Variants in STKLD1 observed in about 807,000 individuals in gnomAD.
STKLD1 encodes serine/threonine kinase like domain containing 1, also known as serine/threonine kinase-like domain-containing protein STKLD1.
Under a neutral mutation model 80.4 loss-of-function variants are expected in STKLD1, and 79 were observed. That is an observed-to-expected ratio of 0.98 (90% CI 0.82 to 1.19). The LOEUF (loss-of-function observed/expected upper bound fraction) is 1.19. STKLD1 is among the 50% of genes most tolerant of loss of function. The probability of loss-of-function intolerance (pLI) is 0.00; values close to 1 mark genes in which losing one functional copy is unlikely to be tolerated. For missense variants in STKLD1, 841 were observed against 856.0 expected (o/e 0.98, Z 0.22); for synonymous variants, 393 against 357.6 (o/e 1.10, Z -1.12).
chr9:133,396,052 T>C, intron 9 of STKLD1: 1 of 244,584 alleles, frequency 4.1e-6, no homozygotes, highest in Non-Finnish European at 7.8e-6. Flanking sequence ...AAAGTTTTCA[T>C]TCTACATAAA....
chr9:133,397,901 G>T, intron 10 of STKLD1, 71 bp from the exon 11 acceptor site: 1 of 1,272,212 alleles, frequency 7.9e-7, no homozygotes, highest in Non-Finnish European at 1.1e-6. Flanking sequence ...AGCCCAGTGT[G>T]GTGCCGAGAA....
chr9:133,390,860 C>T lies in STKLD1; in HGVS notation c.583+64C>T. 1 of 1,277,668 alleles carries T rather than the reference C, an allele frequency of 7.8e-7. No individual in the cohort carries two copies. The highest frequency in any genetic ancestry group is 2.3e-5 in the East Asian group (1 of 43,346). 79.1% of individuals were successfully genotyped at this position (1,277,668 alleles called of 1,614,324 possible). A position where few individuals can be genotyped will look rare whatever the true frequency, so the allele number is the denominator to read the frequency against. On this transcript the variant is annotated intron_variant, in intron 7 of 17. Transcript: ENST00000371957. The surrounding 1 kb of genome is among the most constrained non-coding windows in gnomAD (Gnocchi z 5.1). ...GCGCCTAGAATCCAGGCGGCGTTGGCCACTCTGGGTGCTGGAGTGAGGCAA... is the reference window on the plus strand; with the variant it reads ...GCGCCTAGAATCCAGGCGGCGTTGGTCACTCTGGGTGCTGGAGTGAGGCAA...
rs587724855 is a variant in STKLD1, at chr9:133,404,270, CCTCT to C, written c.1732+227_1732+230del. On this transcript the variant is annotated intron_variant, in intron 16 of 17. Transcript: ENST00000371957. ...TCTCTGCGTTATGCTACCCTGTGACCCTCTCTCTGTCCATAAACACATCACATCT... is the reference window on the plus strand; with the variant it reads ...TCTCTGCGTTATGCTACCCTGTGACCCTCTGTCCATAAACACATCACATCT... Among the ~76,000 whole-genome samples the C allele has an allele frequency of 2.9e-3, 445 of 152,294 alleles. 3 individuals are homozygous for C. Among genetic ancestry groups the C allele is most frequent in the Non-Finnish European group, 4.6e-3 (312 of 68,028 alleles).
chr9:133,380,772 G>T (rs999766030), intron 2 of STKLD1, among the ~76,000 whole-genome samples: 3 of 152,012 alleles, frequency 2.0e-5, no homozygotes, highest in Admixed American at 6.6e-5. Context: ...TTTTTCCTAA[G>T]CGTTTGTAAA....
At position 133,385,527 on chromosome 9, in the gene STKLD1, T is replaced by G; in HGVS notation, c.220-90T>G. On this transcript the variant is annotated intron_variant, in intron 3 of 17. Transcript: ENST00000371957. This position sits in a 1 kb window ranked among gnomAD's most constrained non-coding sequence, Gnocchi z 4.9. Reference sequence around the variant, plus strand: ...CCCAGCTCAGAGCCCGAGGCTTGCATGTTTGTTGGGATGTGTGACAGAGAA... The same window carrying G: ...CCCAGCTCAGAGCCCGAGGCTTGCAGGTTTGTTGGGATGTGTGACAGAGAA... 138 of 1,279,272 alleles carry G rather than the reference T, an allele frequency of 1.1e-4. No individual in the cohort carries two copies. Among genetic ancestry groups the G allele is most frequent in the Non-Finnish European group, 1.5e-4 (129 of 888,698 alleles). 79.2% of individuals were successfully genotyped at this position (1,279,272 alleles called of 1,614,324 possible).
intron 10 of STKLD1, 125 bp downstream of exon 10, chr9:133,397,419 G>C (rs1435318481): frequency 7.7e-7 from 1 of 1,297,878 alleles, no homozygotes; most frequent in African/African-American, 1.5e-5. Flanking sequence ...TGCACGACCA[G>C]TGGGTAGGAA....
At chr9:133,377,114 C>G (rs1837992578) in intron 1 of STKLD1, among the ~76,000 whole-genome samples, 1 of 152,102 alleles carries the variant, frequency 6.6e-6, no homozygotes, top group African/African-American at 2.4e-5. Flanking sequence ...ATTTTTGTCA[C>G]TTTGGAAGAA....
In STKLD1 at chr9:133,384,342, T is replaced by G. The variant is rs1037571243; in HGVS notation, c.219+442T>G. 1 of 165,596 alleles carries G rather than the reference T, an allele frequency of 6.0e-6. No individual in the cohort carries two copies. The highest frequency in any genetic ancestry group is 2.4e-5 in the African/African-American group (1 of 41,728). The allele number at this position is 165,596 out of a possible 1,614,324, so 10.3% of individuals were successfully genotyped here. ...TGTAATCCCAGCTACTTCGAGAGGT[T>G]GAGGCGGGAGAATCACTTGAACCTG... On this transcript the variant is annotated intron_variant, in intron 3 of 17. Transcript: ENST00000371957. This position sits in a 1 kb window ranked among gnomAD's most constrained non-coding sequence, Gnocchi z 4.3.
intron 12 of STKLD1, among the ~76,000 whole-genome samples, chr9:133,401,079 A>G (rs981880289): frequency 2.6e-5 from 4 of 151,862 alleles, no homozygotes; most frequent in Admixed American, 6.6e-5. Flanking sequence ...TATGAGAGAC[A>G]TGGGTTGTTA....
intron 11 of STKLD1, 90 bp downstream of exon 11, chr9:133,398,145 C>T (rs930082189): frequency 2.4e-6 from 3 of 1,256,628 alleles, no homozygotes; most frequent in Middle Eastern, 1.9e-4. Context: ...TGGCCCTCAC[C>T]CCGGGCTCTC....
At chr9:133,397,492 T>C (rs587662221) in intron 10 of STKLD1, among the ~76,000 whole-genome samples, 198 bp downstream of exon 10, 105 of 152,250 alleles carry the variant, frequency 6.9e-4, no homozygotes, top group Non-Finnish European at 1.4e-3. Flanking sequence ...ATATCCTCCA[T>C]AGCTCCCAAC....
At chr9:133,403,048 G>A in intron 14 of STKLD1, 36 bp downstream of exon 14, 6 of 1,535,140 alleles carry the variant, frequency 3.9e-6, no homozygotes, top group Non-Finnish European at 5.3e-6. Flanking sequence ...CACCGGGGCT[G>A]GCAGCCCTCC....
intron 11 of STKLD1, among the ~76,000 whole-genome samples, chr9:133,399,353 G>A (rs1554777219): frequency 6.6e-6 from 1 of 152,208 alleles, no homozygotes; most frequent in Non-Finnish European, 1.5e-5. Flanking sequence ...ACAAGGCCCA[G>A]CCCTGGCCTT....
At chr9:133,397,938 G>C in intron 10 of STKLD1, 34 bp from the exon 11 acceptor site, 1 of 1,594,732 alleles carries the variant, frequency 6.3e-7, no homozygotes, top group Non-Finnish European at 8.6e-7. Context: ...CTGGTCCTCA[G>C]AAAGGTCCCT....
chr9:133,385,716 G>A lies in STKLD1; in HGVS notation c.294+25G>A, dbSNP rs189765356. The A allele has an allele frequency of 2.9e-5, 47 of 1,608,494 alleles. 1 individual carries two copies. The East Asian group carries it at 8.5e-4, about 29-fold the overall frequency. On this transcript the variant is annotated intron_variant, in intron 4 of 17. Transcript: ENST00000371957. The surrounding 1 kb of genome is among the most constrained non-coding windows in gnomAD (Gnocchi z 4.9). ...GGTGGGTCAGAGCTGACACCTACGG[G>A]CTCAGCCGCCACGCAGTGGGCTGCA...
chr9:133,400,579 C>T (rs782319646), intron 12 of STKLD1, 50 bp downstream of exon 12: 3 of 1,470,694 alleles, frequency 2.0e-6, no homozygotes, highest in Non-Finnish European at 2.8e-6. Context: ...TGCGCTGCTT[C>T]CTGCAGCTGT....
chr9:133,380,844 CAT>C (rs1838111332), intron 2 of STKLD1, among the ~76,000 whole-genome samples: 1 of 151,976 alleles, frequency 6.6e-6, no homozygotes, highest in Non-Finnish European at 1.5e-5. Flanking sequence ...ATATTGCAAA[CAT>C]AGTTTCATGT....
chr9:133,398,253 A>G (rs998075594), intron 11 of STKLD1, among the ~76,000 whole-genome samples, 198 bp downstream of exon 11: 1 of 152,160 alleles, frequency 6.6e-6, no homozygotes, highest in African/African-American at 2.4e-5. Context: ...GAGAAGGGGA[A>G]TGGGTGGTGT....
At position 133,395,604 on chromosome 9, in the gene STKLD1, C is replaced by G. The variant is rs782708166; in HGVS notation, c.707C>G (p.Thr236Arg). 6.2e-7 allele frequency: 1 copy of G among 1,612,840 alleles called. No individual in the cohort carries two copies. The highest frequency in any genetic ancestry group is 1.1e-5 in the South Asian group (1 of 91,078). Reference protein sequence around the residue: ...DMTSCSFMDGTEAMHLRKSLR... With the variant: ...DMTSCSFMDGREAMHLRKSLR... ...AGCTGTCCTCTCTCCGTGCAGGGCACAGAAGCCATGCATCTGCGGAAGTCC... is the reference window on the plus strand; with the variant it reads ...AGCTGTCCTCTCTCCGTGCAGGGCAGAGAAGCCATGCATCTGCGGAAGTCC... Residue 236 changes from threonine (T) to arginine (R), a missense_variant, in exon 9 of 18, where the codon ACA (threonine) becomes AGA (arginine). Coordinates refer to ENST00000371957, the MANE Select transcript of STKLD1 (RefSeq NM_153710.5).
Sources: gnomAD v4.1 joint callset for allele counts (sites outside exome capture counted in the v4.1 genomes callset) on GRCh38, gnomAD v4.1.1 for gene constraint, Gnocchi (gnomAD v3.1) non-coding constraint, MANE v1.5 for transcripts, NCBI Gene and HGNC (gene_info 2026-07-23, HGNC 2026-07-21) for gene names.